The following RNMT variants were observed in gnomAD, a reference collection of about 807,000 sequenced individuals.
RNMT encodes the protein mRNA cap guanine-N(7) methyltransferase.
A neutral mutation model predicts 56.0 loss-of-function variants in RNMT; 27 were observed. The ratio of observed to expected loss-of-function variants is 0.48; its 90% confidence interval spans 0.36 to 0.67. The LOEUF is 0.67. Ranked by LOEUF, RNMT falls within the 30% of genes least tolerant of loss-of-function variation. The probability of loss-of-function intolerance (pLI) is 0.00; values close to 1 mark genes in which losing one functional copy is unlikely to be tolerated. For missense variants in RNMT, 519 were observed against 552.1 expected (o/e 0.94, Z 0.60); for synonymous variants, 184 against 176.2 (o/e 1.04, Z -0.35).
Position 13,762,031 on chromosome 18 carries a change from C to T in RNMT, c.*2052C>T. Reference sequence around the variant, plus strand: ...CCTTGTCGTCTAAATGTTCGGTATTCTATTCAGGACTTACGGTAACTATTA... The same window carrying T: ...CCTTGTCGTCTAAATGTTCGGTATTTTATTCAGGACTTACGGTAACTATTA... On this transcript the variant is annotated 3_prime_UTR_variant, in exon 12 of 12. Transcript: ENST00000383314. The T allele has an allele frequency of 2.0e-6, 3 of 1,536,048 alleles. No homozygotes were observed. Among genetic ancestry groups the T allele is most frequent in the African/African-American group, 1.4e-5 (1 of 73,164 alleles).
At chr18:13,755,383 C>A (rs191305361) in intron 11 of RNMT, among the ~76,000 whole-genome samples, 2 of 152,310 alleles carry the variant, frequency 1.3e-5, no homozygotes, top group Admixed American at 1.3e-4. Flanking sequence ...TAATAACTCA[C>A]ATGTTGTAAC....
chr18:13,763,247 A>C lies in RNMT; in HGVS notation c.*3268A>C. 4.7e-6 allele frequency: 2 copies of C among 427,126 alleles called. No homozygotes were observed. The highest frequency in any genetic ancestry group is 9.4e-6 in the Non-Finnish European group (2 of 211,722). The allele number at this position is 427,126 out of a possible 1,614,324, so 26.5% of individuals were successfully genotyped here. A position where few individuals can be genotyped will look rare whatever the true frequency, so the allele number is the denominator to read the frequency against. On this transcript the variant is annotated 3_prime_UTR_variant, in exon 12 of 12. Transcript: ENST00000383314. ...ACAACATTCCTAATTCTTTGAAGGC[A>C]ACCAGTGCAAAGGCTACTACACTTG...
In RNMT at chr18:13,741,607, C is replaced by T. The variant is rs116730904; in HGVS notation, c.890C>T (p.Ala297Val). ...TACTCATTTGAGTCTTATGAGCAGG[C>T]TGACATGATGCTGAGAAATGCGTGT... ...CHYSFESYEQ[A>V]DMMLRNACER... Residue 297 changes from alanine to valine, a missense_variant, in exon 7 of 12, where the codon GCT becomes GTT. Transcript: ENST00000383314. 1 of 1,613,874 alleles carries T rather than the reference C, an allele frequency of 6.2e-7. No homozygotes were observed. The highest frequency in any genetic ancestry group is 1.3e-5 in the African/African-American group (1 of 75,036).
At chr18:13,734,628 T>A (rs773653635) in intron 4 of RNMT, 29 bp downstream of exon 4, 1 of 1,544,478 alleles carries the variant, frequency 6.5e-7, no homozygotes, top group African/African-American at 1.4e-5. Flanking sequence ...CTACTGAGTC[T>A]TTAATTCCTA....
chr18:13,738,524 T>TA (rs1172299221), intron 5 of RNMT, among the ~76,000 whole-genome samples: 7 of 152,224 alleles, frequency 4.6e-5, no homozygotes, highest in Non-Finnish European at 1.0e-4. Flanking sequence ...AAAGAGTAGT[T>TA]ACAATATGGA....
chr18:13,758,819 G>C (rs1275858108), intron 11 of RNMT, among the ~76,000 whole-genome samples: 1 of 152,058 alleles, frequency 6.6e-6, no homozygotes, highest in Non-Finnish European at 1.5e-5. Context: ...GTCATTTCTA[G>C]CTTCTGATTT....
chr18:13,748,028 A>G (rs1367982693), intron 9 of RNMT, among the ~76,000 whole-genome samples: 2 of 152,214 alleles, frequency 1.3e-5, no homozygotes, highest in Admixed American at 6.5e-5. Flanking sequence ...ATGGTAGGGT[A>G]TGGGATAACA....
chr18:13,744,439 GTTAT>G (rs2044319084), intron 8 of RNMT, among the ~76,000 whole-genome samples: 1 of 151,112 alleles, frequency 6.6e-6, no homozygotes, highest in Non-Finnish European at 1.5e-5. Context: ...TTTCTAAAGG[GTTAT>G]TTTAGAGATT....
intron 9 of RNMT, among the ~76,000 whole-genome samples, chr18:13,747,173 C>T (rs2044365443): frequency 6.6e-6 from 1 of 151,920 alleles, no homozygotes; most frequent in Non-Finnish European, 1.5e-5. Flanking sequence ...TTATAATTAC[C>T]TCCATGAAGT....
chr18:13,760,625 T>G lies in RNMT; in HGVS notation c.*646T>G. 1.0e-6 allele frequency: 1 copy of G among 985,428 alleles called. No individual in the cohort carries two copies. Among genetic ancestry groups the G allele is most frequent in the Non-Finnish European group, 1.2e-6 (1 of 829,874 alleles). 61.0% of individuals were successfully genotyped at this position (985,428 alleles called of 1,614,324 possible). A position where few individuals can be genotyped will look rare whatever the true frequency, so the allele number is the denominator to read the frequency against. ...ATAGAATTTTGGAATTTTGGGGCTT[T>G]CTTTTCAGAAATTGCTACCATAGTA... On this transcript the variant is annotated 3_prime_UTR_variant, in exon 12 of 12. Coordinates refer to ENST00000383314, the MANE Select transcript of RNMT (RefSeq NM_003799.3).
chr18:13,738,947 A>G (rs527797603), intron 5 of RNMT, among the ~76,000 whole-genome samples: 49 of 152,272 alleles, frequency 3.2e-4, no homozygotes, highest in African/African-American at 1.2e-3. Flanking sequence ...CATAAGGAGT[A>G]TGCAACCTAG....
Position 13,737,091 on chromosome 18 carries a change from T to G in RNMT, c.635T>G (p.Leu212Trp). Residue 212 changes from leucine to tryptophan, a missense_variant, in exon 5 of 12, where the codon TTG becomes TGG. Leu to Trp is a moderately conservative substitution (Grantham distance 61). Transcript: ENST00000383314. ...CTGGGATGTGGTAAAGGTGGAGATT[T>G]GCTGAAATGGAAAAAAGGAAGAATT... The part of the protein sequence containing the change: ...LDLGCGKGGD[L>W]LKWKKGRINK... 1 of 1,613,002 alleles carries G rather than the reference T, an allele frequency of 6.2e-7. No homozygotes were observed. The highest frequency in any genetic ancestry group is 2.2e-5 in the East Asian group (1 of 44,826).
intron 1 of RNMT, among the ~76,000 whole-genome samples, chr18:13,727,940 A>C (rs1418229784): frequency 6.6e-6 from 1 of 152,236 alleles, no homozygotes; most frequent in Non-Finnish European, 1.5e-5. Flanking sequence ...CTTTTTAATG[A>C]CTAATATTCC....
intron 11 of RNMT, among the ~76,000 whole-genome samples, chr18:13,758,163 A>G (rs889103550): frequency 5.3e-5 from 8 of 152,252 alleles, no homozygotes; most frequent in Admixed American, 2.0e-4. Flanking sequence ...CAGATTTTAC[A>G]TAATTCTTAA....
chr18:13,759,578 CTTT>C (rs1301419958), intron 11 of RNMT, among the ~76,000 whole-genome samples: 3 of 151,590 alleles, frequency 2.0e-5, no homozygotes, highest in Non-Finnish European at 4.4e-5. Context: ...TTCTAGTTTT[CTTT>C]GTTATACTTA....
At chr18:13,743,734 GAA>G (rs996249532) in intron 8 of RNMT, among the ~76,000 whole-genome samples, 9 of 151,824 alleles carry the variant, frequency 5.9e-5, no homozygotes, top group Admixed American at 3.9e-4. Context: ...CTGAGAAAAA[GAA>G]GAGGTATATT....
At position 13,761,875 on chromosome 18, in the gene RNMT, C is replaced by T. The variant is rs1366921385; in HGVS notation, c.*1896C>T. ...TCCCCCCGGCCCCAAGCCCCTGTGT[C>T]TCCTTGTTACAATTAAGTTTCTGGA... On this transcript the variant is annotated 3_prime_UTR_variant, in exon 12 of 12. Transcript: ENST00000383314. 3.6e-5 allele frequency: 30 copies of T among 821,934 alleles called. No individual in the cohort carries two copies. Among genetic ancestry groups the T allele is most frequent in the South Asian group, 2.7e-4 (7 of 25,768 alleles). 50.9% of individuals were successfully genotyped at this position (821,934 alleles called of 1,614,324 possible).
At chr18:13,741,422 C>G in intron 6 of RNMT, 88 bp from the exon 7 acceptor site, 5 of 798,344 alleles carry the variant, frequency 6.3e-6, no homozygotes, top group Non-Finnish European at 4.0e-6. Context: ...AAAGGAAGAA[C>G]CTTACATTCT....
chr18:13,746,083 T>G (rs2044347471), intron 8 of RNMT, 137 bp from the exon 9 acceptor site: 1 of 595,262 alleles, frequency 1.7e-6, no homozygotes, highest in Non-Finnish European at 3.1e-6. Context: ...ATTCATTTTG[T>G]ATTACTGTAT....
Sources: gnomAD v4.1 joint callset for allele counts (sites outside exome capture counted in the v4.1 genomes callset) on GRCh38, gnomAD v4.1.1 for gene constraint, MANE v1.5 for transcripts, NCBI Gene and HGNC (gene_info 2026-07-23, HGNC 2026-07-21) for gene names.